Variants in UNC5D observed in about 807,000 individuals in gnomAD.
The protein encoded by UNC5D is netrin receptor UNC5D.
UNC5D carries 39 observed loss-of-function variants against 105.4 expected under a neutral mutation model. That is an observed-to-expected ratio of 0.37 (90% confidence interval 0.29 to 0.48). The LOEUF is 0.48. Among genes scored for constraint, UNC5D ranks in the 20% least tolerant of loss-of-function variants. The pLI is 0.98. For synonymous variants in UNC5D, 452 were observed against 450.4 expected, an observed-to-expected ratio of 1.00 and a Z score of -0.04; for missense variants, 991 against 1,202.4, an observed-to-expected ratio of 0.82 and a Z score of 2.60.
At position 35,581,271 on chromosome 8, in the gene UNC5D, G is replaced by A. The variant is rs185707351; in HGVS notation, c.466+13030G>A. 3.2e-3 allele frequency among the ~76,000 whole-genome samples: 489 copies of A among 152,128 alleles called. 3 individuals carry two copies. Among genetic ancestry groups the A allele is most frequent in the South Asian group, 5.4e-3 (26 of 4,810 alleles). On this transcript the variant is annotated intron_variant, in intron 3 of 16. Coordinates refer to ENST00000404895, the MANE Select transcript of UNC5D (RefSeq NM_080872.4). ...CCTCCATAATCCAGCCTCTCTTTCG[G>A]TGGAGTCTTTCGCTCCAGGGCTTTG...
At chr8:35,337,190 C>T (rs774053330) in intron 1 of UNC5D, among the ~76,000 whole-genome samples, 4 of 152,082 alleles carry the variant, frequency 2.6e-5, no homozygotes, top group Admixed American at 6.5e-5. Context: ...AAGACATGGA[C>T]GTCTTCGATA....
intron 8 of UNC5D, among the ~76,000 whole-genome samples, chr8:35,713,775 G>T (rs554626804): frequency 1.3e-5 from 2 of 152,294 alleles, no homozygotes; most frequent in East Asian, 3.9e-4. Context: ...CTCAGTGAGG[G>T]TGAAAAGTTG....
intron 8 of UNC5D, among the ~76,000 whole-genome samples, chr8:35,711,887 C>T (rs551488474): frequency 5.4e-4 from 83 of 152,338 alleles, no homozygotes; most frequent in African/African-American, 1.9e-3. Context: ...ATCATCACAC[C>T]TGTTCAATTT....
intron 4 of UNC5D, among the ~76,000 whole-genome samples, chr8:35,664,519 C>T (rs1429010105): frequency 6.6e-6 from 1 of 152,094 alleles, no homozygotes; most frequent in Admixed American, 6.5e-5. Flanking sequence ...GAATTACTTA[C>T]AGCCACATGC....
chr8:35,334,195 T>C (rs1205911837), intron 1 of UNC5D, among the ~76,000 whole-genome samples: 1 of 151,962 alleles, frequency 6.6e-6, no homozygotes. Context: ...AAAAACTAAC[T>C]GCAGTGATCA....
At chr8:35,395,903 G>A (rs922412562) in intron 1 of UNC5D, among the ~76,000 whole-genome samples, 2 of 152,110 alleles carry the variant, frequency 1.3e-5, no homozygotes, top group Non-Finnish European at 2.9e-5. Context: ...TGGGGCACTG[G>A]CACACAGGAA....
chr8:35,651,064 T>C (rs78725524), intron 4 of UNC5D, among the ~76,000 whole-genome samples: 5,119 of 152,304 alleles, frequency 0.034, 94 homozygotes, highest in South Asian at 0.073. Context: ...CTGGCCCCCA[T>C]TGTATTGCAT....
chr8:35,503,312 G>A (rs1281932100), intron 1 of UNC5D, among the ~76,000 whole-genome samples: 3 of 152,138 alleles, frequency 2.0e-5, no homozygotes, highest in African/African-American at 7.2e-5. Context: ...ACAGTTCCAC[G>A]TAGCTGGGGA....
In UNC5D at chr8:35,686,626, C is replaced by T. The variant is rs1826027009; in HGVS notation, c.1001C>T (p.Ala334Val). 6.2e-7 allele frequency: 1 copy of T among 1,607,848 alleles called. No homozygotes were observed. The highest frequency in any genetic ancestry group is 1.7e-5 in the Admixed American group (1 of 57,854). Residue 334 changes from alanine (A) to valine (V), a missense_variant, in exon 7 of 17, where the codon GCA becomes GTA. Physicochemically the swap from Ala to Val is moderately conservative, Grantham distance 64. Around this residue, in one of 3 missense-constraint regions of UNC5D, gnomAD observed 944 missense variants for 1,131.6 expected, o/e 0.83. Coordinates refer to ENST00000404895, the MANE Select transcript of UNC5D (RefSeq NM_080872.4). ...CEHLRIRECT[A>V]PPPRNGGKFC... ...CATTTGCGGATCCGGGAGTGCACAGCACCACCCCCGAGAAATGGGGGCAAA... is the reference window on the plus strand; with the variant it reads ...CATTTGCGGATCCGGGAGTGCACAGTACCACCCCCGAGAAATGGGGGCAAA...
chr8:35,591,254 CA>C (rs139945594), intron 3 of UNC5D, among the ~76,000 whole-genome samples: 9 of 146,936 alleles, frequency 6.1e-5, no homozygotes, highest in Admixed American at 4.8e-4. Context: ...ATGCTTTTTA[CA>C]AAAAAAAAGC....
At chr8:35,693,155 A>T (rs1826522639) in intron 7 of UNC5D, among the ~76,000 whole-genome samples, 1 of 152,160 alleles carries the variant, frequency 6.6e-6, no homozygotes, top group Non-Finnish European at 1.5e-5. Flanking sequence ...AATAAAGCAG[A>T]CATAGTGCAA....
At chr8:35,449,384 C>G (rs973883795) in intron 1 of UNC5D, among the ~76,000 whole-genome samples, 2 of 152,102 alleles carry the variant, frequency 1.3e-5, no homozygotes, top group Admixed American at 6.6e-5. Flanking sequence ...TGGTCTCTGA[C>G]TCAATGAAGA....
chr8:35,506,387 G>A (rs537630239), intron 1 of UNC5D, among the ~76,000 whole-genome samples: 4 of 152,168 alleles, frequency 2.6e-5, no homozygotes, highest in Non-Finnish European at 4.4e-5. Context: ...CCTATTACTT[G>A]TATGGCAAAT....
At chr8:35,366,555 A>T (rs1441402504) in intron 1 of UNC5D, among the ~76,000 whole-genome samples, 1 of 152,022 alleles carries the variant, frequency 6.6e-6, no homozygotes, top group African/African-American at 2.4e-5. Flanking sequence ...GTAATTGTCC[A>T]CTTACCCTTC....
At chr8:35,575,687 G>C (rs1233291239) in intron 3 of UNC5D, among the ~76,000 whole-genome samples, 1 of 152,072 alleles carries the variant, frequency 6.6e-6, no homozygotes, top group African/African-American at 2.4e-5. Flanking sequence ...TCATACAAAA[G>C]CTTGAAACTC....
chr8:35,275,531 T>C (rs542953206), intron 1 of UNC5D, among the ~76,000 whole-genome samples: 9 of 152,350 alleles, frequency 5.9e-5, no homozygotes, highest in Admixed American at 2.6e-4. Flanking sequence ...TAGTTATTTT[T>C]GTTTTGTTTG....
intron 1 of UNC5D, among the ~76,000 whole-genome samples, chr8:35,464,578 T>G (rs534053866): frequency 6.6e-6 from 1 of 152,312 alleles, no homozygotes; most frequent in South Asian, 2.1e-4. Flanking sequence ...TTTTCTTTCC[T>G]TAAGCTTTCT....
chr8:35,603,590 G>A (rs1453547985), intron 4 of UNC5D, among the ~76,000 whole-genome samples: 1 of 151,858 alleles, frequency 6.6e-6, no homozygotes, highest in Non-Finnish European at 1.5e-5. Context: ...TCAATTCCTG[G>A]GTATCCTTGT....
At chr8:35,790,237 T>C in intron 16 of UNC5D, 122 bp from the exon 17 acceptor site, 1 of 1,084,642 alleles carries the variant, frequency 9.2e-7, no homozygotes, top group Non-Finnish European at 1.3e-6. Flanking sequence ...TTACTATAGC[T>C]TTTTATCCCT....
Sources: allele counts gnomAD v4.1 joint callset (sites outside exome capture counted in the v4.1 genomes callset), GRCh38; gene constraint gnomAD v4.1.1; regional missense constraint gnomAD v4.1.1; transcripts MANE v1.5; gene names NCBI Gene and HGNC (gene_info 2026-07-23, HGNC 2026-07-21).